HECTD4: variants seen among roughly 807,000 people sequenced by gnomAD.
The protein encoded by HECTD4 is HECT domain E3 ubiquitin protein ligase 4.
Under a neutral mutation model 471.5 loss-of-function variants are expected in HECTD4, and 114 were observed. That is an observed-to-expected ratio of 0.24 (90% confidence interval 0.21 to 0.28). The LOEUF (loss-of-function observed/expected upper bound fraction) is 0.28. Among genes scored for constraint, HECTD4 ranks in the 10% least tolerant of loss-of-function variants. The pLI is 1.00. For missense variants in HECTD4, 3,866 were observed against 5,651.5 expected (o/e 0.68, Z 10.13); for synonymous variants, 2,012 against 2,256.0 (o/e 0.89, Z 3.07).
intron 44 of HECTD4, among the ~76,000 whole-genome samples, chr12:112,225,620 C>CAAAAAAAAAA (rs781152688): frequency 1.8e-5 from 1 of 56,284 alleles, no homozygotes. Flanking sequence ...AATTGTAAGG[C>CAAAAAAAAAA]AAAAAAAAAA....
chr12:112,206,597 C>T (rs984650547), intron 52 of HECTD4, among the ~76,000 whole-genome samples: 7 of 136,478 alleles, frequency 5.1e-5, no homozygotes, highest in Admixed American at 3.4e-4. Context: ...AGTGCAGTGG[C>T]GTGATCTCTG....
intron 60 of HECTD4, among the ~76,000 whole-genome samples, chr12:112,186,306 CTTTTT>C (rs34138419): frequency 2.2e-5 from 2 of 89,872 alleles, no homozygotes; most frequent in African/African-American, 8.1e-5. Context: ...CTGGCATATT[CTTTTT>C]TTTTTTTTTT....
At chr12:112,261,742 T>G in intron 17 of HECTD4, 1 of 196,586 alleles carries the variant, frequency 5.1e-6, no homozygotes, top group Non-Finnish European at 1.0e-5. Flanking sequence ...ATATTTCCCA[T>G]CCCATCCAGC....
At chr12:112,209,070 T>C (rs1296947189) in intron 50 of HECTD4, among the ~76,000 whole-genome samples, 1 of 151,726 alleles carries the variant, frequency 6.6e-6, no homozygotes. Context: ...CTGGCTATTT[T>C]TTAAATTTTT....
At chr12:112,348,375 T>C (rs938736167) in intron 1 of HECTD4, among the ~76,000 whole-genome samples, 2 of 152,222 alleles carry the variant, frequency 1.3e-5, no homozygotes, top group African/African-American at 4.8e-5. Flanking sequence ...AAATAGGTTT[T>C]AGAATGCTCC....
At chr12:112,298,295 A>G (rs1338012346) in intron 7 of HECTD4, among the ~76,000 whole-genome samples, 1 of 152,042 alleles carries the variant, frequency 6.6e-6, no homozygotes, top group African/African-American at 2.4e-5. Flanking sequence ...AGAGAGGAAA[A>G]GTTGTTAACA....
Position 112,184,954 on chromosome 12 carries a change from G to T in HECTD4, c.10012C>A (p.Pro3338Thr). 6.2e-7 allele frequency: 1 copy of T among 1,613,674 alleles called. No individual in the cohort carries two copies. The highest frequency in any genetic ancestry group is 8.5e-7 in the Non-Finnish European group (1 of 1,179,836). The change falls in exon 61 of 76, where the codon CCC becomes ACC. Residue 3338 changes from proline (P) to threonine (T), a missense_variant. Pro to Thr is a conservative substitution (Grantham distance 38). Coordinates refer to ENST00000682272, the MANE Select transcript of HECTD4 (RefSeq NM_001388303.1). The surrounding 1 kb of genome is among the most constrained non-coding windows in gnomAD (Gnocchi z 9.1). ...RQSSRTVDSD[P>T]TVLSIGGSKP... ...CTGCCTCCGATGCTGAGCACGGTGGGGTCCGAGTCCACGGTGCGGGAAGAC... is the reference window on the plus strand; with the variant it reads ...CTGCCTCCGATGCTGAGCACGGTGGTGTCCGAGTCCACGGTGCGGGAAGAC...
chr12:112,366,664 T>A (rs181812826), intron 1 of HECTD4, among the ~76,000 whole-genome samples: 2 of 152,024 alleles, frequency 1.3e-5, no homozygotes, highest in Non-Finnish European at 2.9e-5. Flanking sequence ...GCAGATCACC[T>A]GAGGTCAGGA....
chr12:112,212,100 C>G (rs1672935058), intron 49 of HECTD4, among the ~76,000 whole-genome samples: 1 of 152,228 alleles, frequency 6.6e-6, no homozygotes, highest in Non-Finnish European at 1.5e-5. Context: ...GTTGAACTTA[C>G]AAATCTTTAC....
chr12:112,273,095 C>T (rs940503172), intron 11 of HECTD4, among the ~76,000 whole-genome samples: 1 of 152,100 alleles, frequency 6.6e-6, no homozygotes, highest in African/African-American at 2.4e-5. Flanking sequence ...TGGCAATTTC[C>T]AGGGCCTGGA....
intron 21 of HECTD4, among the ~76,000 whole-genome samples, chr12:112,256,058 A>G (rs776630249): frequency 6.6e-6 from 1 of 152,190 alleles, no homozygotes; most frequent in Non-Finnish European, 1.5e-5. Flanking sequence ...TTCCTCTCAT[A>G]TATCTAAGCA....
At chr12:112,260,067 C>T (rs2034109360) in intron 18 of HECTD4, among the ~76,000 whole-genome samples, 2 of 152,118 alleles carry the variant, frequency 1.3e-5, no homozygotes, top group African/African-American at 4.8e-5. Flanking sequence ...ATCTCCACAA[C>T]TCTTTTTGTG....
intron 66 of HECTD4, among the ~76,000 whole-genome samples, chr12:112,175,306 G>A (rs2031396840): frequency 6.6e-6 from 1 of 152,196 alleles, no homozygotes; most frequent in Non-Finnish European, 1.5e-5. Context: ...TGTAAGAACA[G>A]GAGATTAGGA....
At position 112,173,157 on chromosome 12, in the gene HECTD4, G is replaced by A. The variant is rs2031297609; in HGVS notation, c.11595-296C>T. On this transcript the variant is annotated intron_variant, in intron 66 of 75. Coordinates refer to ENST00000682272, the MANE Select transcript of HECTD4 (RefSeq NM_001388303.1). This position sits in a 1 kb window ranked among gnomAD's most constrained non-coding sequence, Gnocchi z 4.3. ...GCAGCAGCACGTGAGGGTGAAGGAG[G>A]AGCTCCTAATAGCATCAGCCTGCAG... Among the ~76,000 whole-genome samples the A allele has an allele frequency of 6.6e-6, 1 of 152,104 alleles. No homozygotes were observed. Among genetic ancestry groups the A allele is most frequent in the Admixed American group, 6.5e-5 (1 of 15,270 alleles).
At chr12:112,246,765 A>T in intron 29 of HECTD4, 136 bp downstream of exon 29, 2 of 693,926 alleles carry the variant, frequency 2.9e-6, no homozygotes, top group Non-Finnish European at 4.3e-6. Context: ...TAAATATGTT[A>T]AAATTTCCTT....
rs2035659108 is a variant in HECTD4 at position 112,323,980 on chromosome 12, TCC to T, written c.178-4240_178-4239del. Among the ~76,000 whole-genome samples the T allele has an allele frequency of 3.3e-4, 7 of 21,128 alleles. 1 individual carries two copies. The highest frequency in any genetic ancestry group is 1.7e-3 in the African/African-American group (4 of 2,328). The allele number at this position is 21,128 out of a possible 152,430, so 13.9% of individuals were successfully genotyped here. ...TTTCTTTCTTTCTTCCTTCCTTCCT[TCC>T]TTCCTTCCTTCCTTCCTTCCTTCCT... On this transcript the variant is annotated intron_variant, in intron 1 of 75. Transcript: ENST00000682272.
Position 112,170,426 on chromosome 12 carries a change from T to A in HECTD4, c.11959A>T (p.Thr3987Ser), listed in dbSNP as rs539591087. ...KGLIFYDTKV[T>S]VMNRVLNATV... ...GCATTCAGCACTCGATTCATCACGG[T>A]CACCTTCGTGTCATAGAAGATCAGC... The change falls in exon 69 of 76, where the codon ACC becomes TCC. Residue 3987 changes from threonine (T) to serine (S), a missense_variant. Coordinates refer to ENST00000682272, the MANE Select transcript of HECTD4 (RefSeq NM_001388303.1). 3.1e-6 allele frequency: 5 copies of A among 1,613,962 alleles called. No homozygotes were observed. The East Asian group carries it at 1.1e-4, about 36-fold the overall frequency.
chr12:112,299,491 C>T (rs1340224553), intron 7 of HECTD4, among the ~76,000 whole-genome samples: 3 of 152,056 alleles, frequency 2.0e-5, no homozygotes, highest in Non-Finnish European at 4.4e-5. Context: ...GGCATGGTGG[C>T]ACGTGCCTGT....
At chr12:112,192,885 C>A in intron 58 of HECTD4, 120 bp from the exon 59 acceptor site, 1 of 1,206,642 alleles carries the variant, frequency 8.3e-7, no homozygotes, top group South Asian at 1.5e-5. Flanking sequence ...ATTTCCACCA[C>A]ACTTTGGAAG....
Sources: gnomAD v4.1 joint callset for allele counts (sites outside exome capture counted in the v4.1 genomes callset) on GRCh38, gnomAD v4.1.1 for gene constraint, Gnocchi (gnomAD v3.1) non-coding constraint, MANE v1.5 for transcripts, NCBI Gene and HGNC (gene_info 2026-07-23, HGNC 2026-07-21) for gene names.